The following FUNDC2 variants were observed in gnomAD, a reference collection of about 807,000 sequenced individuals.
FUNDC2 encodes the protein FUN14 domain-containing protein 2.
In FUNDC2, 4 loss-of-function variants were observed where a neutral mutation model predicts 15.6. The ratio of observed to expected loss-of-function variants is 0.26; its 90% CI spans 0.13 to 0.59. The LOEUF (loss-of-function observed/expected upper bound fraction) is 0.59, where lower values mean the gene tolerates loss of function less well. Ranked by LOEUF, FUNDC2 falls within the 20% of genes least tolerant of loss-of-function variation. The pLI, the probability that FUNDC2 is intolerant of heterozygous loss-of-function variation, is 0.90. For missense variants in FUNDC2, 98 were observed against 149.7 expected (o/e 0.65, Z 1.80); for synonymous variants, 44 against 56.9 (o/e 0.77, Z 1.02).
chrX:155,029,990 C>T (rs782656285), intron 1 of FUNDC2, among the ~76,000 whole-genome samples: 1 of 110,901 alleles, frequency 9.0e-6, no homozygotes, highest in East Asian at 2.8e-4. Flanking sequence ...GAATTTACTA[C>T]AACATAATTT....
rs183259474 is a variant in FUNDC2 at position 155,045,498 on chromosome X, A to G, written c.285-1011A>G. Among the ~76,000 whole-genome samples, 9 of 112,366 alleles carry G rather than the reference A, an allele frequency of 8.0e-5. No individual in the cohort carries two copies. The Admixed American group carries it at 8.4e-4, about 11-fold the overall frequency. ...ACACAATAAAATACCTTTTTTAAAA[A>G]AAGGAGAGAGTAATCAACTGTGTCA... On this transcript the variant is annotated intron_variant, in intron 2 of 4. Coordinates refer to ENST00000369498, the MANE Select transcript of FUNDC2 (RefSeq NM_023934.4).
Position 155,054,746 on chromosome X carries a change from A to G in FUNDC2, c.*74A>G. On this transcript the variant is annotated 3_prime_UTR_variant, in exon 5 of 5. Coordinates refer to ENST00000369498, the MANE Select transcript of FUNDC2 (RefSeq NM_023934.4). ...CTCTACACTCCATCATAGGACATCG[A>G]GTCCCTCCTCCTCTTCTCCCATGCC... is the stretch of plus-strand genomic sequence containing the variant. The G allele has an allele frequency of 5.5e-6, 5 of 902,294 alleles. No homozygotes were observed. The highest frequency in any genetic ancestry group is 8.1e-6 in the Non-Finnish European group (5 of 618,391). The allele number at this position is 902,294 out of a possible 1,213,427, so 74.4% of individuals were successfully genotyped here.
Position 155,057,341 on chromosome X carries a change from AGTGCACTAC to A in FUNDC2, c.*2670_*2678del, listed in dbSNP as rs1557291143. 4.5e-5 allele frequency: 5 copies of A among 111,359 alleles called. No homozygotes were observed. The highest frequency in any genetic ancestry group is 7.6e-5 in the Non-Finnish European group (4 of 52,757). 9.2% of individuals were successfully genotyped at this position (111,359 alleles called of 1,213,427 possible). On this transcript the variant is annotated 3_prime_UTR_variant, in exon 5 of 5. Coordinates refer to ENST00000369498, the MANE Select transcript of FUNDC2 (RefSeq NM_023934.4). ...CAAGGACCAGGCAGCTCCACCTTTC[AGTGCACTAC>A]TTTCATTTGACTGGAGAGGCCTGCT...
chrX:155,043,360 T>A (rs781827724), intron 2 of FUNDC2, among the ~76,000 whole-genome samples: 2 of 112,833 alleles, frequency 1.8e-5, no homozygotes, highest in South Asian at 7.1e-4. Flanking sequence ...GTCTACTAAT[T>A]TTTTCATCAG....
In FUNDC2 at chrX:155,054,896, C is replaced by G. The variant is rs782137184; in HGVS notation, c.*224C>G. 3 of 388,586 alleles carry G rather than the reference C, an allele frequency of 7.7e-6. No homozygotes were observed. In the East Asian group the frequency reaches 1.2e-4, roughly 15 times the overall value. 32.0% of individuals were successfully genotyped at this position (388,586 alleles called of 1,213,427 possible). On this transcript the variant is annotated 3_prime_UTR_variant, in exon 5 of 5. Transcript: ENST00000369498. The stretch of plus-strand genomic sequence containing the variant: ...TCCTTAGCTCTCCTCCCAGTACACC[C>G]CCTACTTGGCCAGTCTGTAGGCCAA...
At chrX:155,043,106 A>T (rs1159269097) in intron 2 of FUNDC2, among the ~76,000 whole-genome samples, 2 of 111,112 alleles carry the variant, frequency 1.8e-5, no homozygotes, top group South Asian at 3.8e-4. Context: ...TGGCTAATTT[A>T]AAAAAGTTAT....
intron 1 of FUNDC2, among the ~76,000 whole-genome samples, chrX:155,029,764 A>G (rs1350939315): frequency 5.4e-5 from 6 of 110,365 alleles, no homozygotes; most frequent in Non-Finnish European, 7.6e-5. Flanking sequence ...AAAAAAAAAA[A>G]AAAAAAGAAA....
chrX:155,033,806 G>T (rs1240216385), intron 2 of FUNDC2, among the ~76,000 whole-genome samples: 1 of 112,074 alleles, frequency 8.9e-6, no homozygotes, highest in Non-Finnish European at 1.9e-5. Flanking sequence ...TCTGGAATTA[G>T]TACTGTTATT....
chrX:155,053,891 G>A lies in FUNDC2; in HGVS notation c.493-704G>A, dbSNP rs148071362. The A allele has an allele frequency of 4.0e-6, 3 of 750,068 alleles. No individual in the cohort carries two copies. In the African/African-American group the frequency reaches 7.0e-5, roughly 17 times the overall value. The allele number at this position is 750,068 out of a possible 1,213,427, so 61.8% of individuals were successfully genotyped here. On this transcript the variant is annotated intron_variant, in intron 4 of 4. Coordinates refer to ENST00000369498, the MANE Select transcript of FUNDC2 (RefSeq NM_023934.4). ...CAAAATTGTCTCTGAAATTGGAAGG[G>A]TGGGGAGTGGTCAGGAGATTGGTAG...
At chrX:155,031,655 T>G (rs1425971590) in intron 1 of FUNDC2, among the ~76,000 whole-genome samples, 1 of 112,713 alleles carries the variant, frequency 8.9e-6, no homozygotes, top group African/African-American at 3.2e-5. Context: ...TTTAAACAAA[T>G]TTTGTTTCCT....
At position 155,033,316 on chromosome X, in the gene FUNDC2, T is replaced by C. The variant is rs1001022412; in HGVS notation, c.134-87T>C. On this transcript the variant is annotated intron_variant, in intron 1 of 4. Coordinates refer to ENST00000369498, the MANE Select transcript of FUNDC2 (RefSeq NM_023934.4). The stretch of plus-strand genomic sequence containing the variant: ...AAATAGAATATTTGGAGGTTTCTTA[T>C]TACATTTATGTCTGTTTCTTTAAAT... The C allele has an allele frequency of 1.6e-5, 12 of 734,449 alleles. No individual in the cohort carries two copies. In the Admixed American group the frequency reaches 2.9e-4, roughly 18 times the overall value. 60.5% of individuals were successfully genotyped at this position (734,449 alleles called of 1,213,427 possible).
chrX:155,046,968 G>T, intron 3 of FUNDC2: 1 of 206,551 alleles, frequency 4.8e-6, no homozygotes, highest in Non-Finnish European at 9.0e-6. Flanking sequence ...AGCATGTGAT[G>T]AGAAATGGGA....
At chrX:155,028,098 A>C (rs2073801447) in intron 1 of FUNDC2, among the ~76,000 whole-genome samples, 1 of 111,645 alleles carries the variant, frequency 9.0e-6, no homozygotes, top group African/African-American at 3.2e-5. Flanking sequence ...AGACTTTTAT[A>C]AGAGCAGACT....
chrX:155,035,773 A>G (rs903289820), intron 2 of FUNDC2, among the ~76,000 whole-genome samples: 1 of 112,335 alleles, frequency 8.9e-6, no homozygotes, highest in Non-Finnish European at 1.9e-5. Flanking sequence ...TCCTGGGTTC[A>G]AGCAGTTCTC....
At chrX:155,043,104 T>G (rs2073852743) in intron 2 of FUNDC2, among the ~76,000 whole-genome samples, 1 of 111,091 alleles carries the variant, frequency 9.0e-6, no homozygotes, top group African/African-American at 3.3e-5. Flanking sequence ...CCTGGCTAAT[T>G]TAAAAAAGTT....
rs782055846 is a variant in FUNDC2 at position 155,057,895 on chromosome X, G to C, written c.*3223G>C. The C allele has an allele frequency of 1.8e-5, 2 of 111,761 alleles. No individual in the cohort carries two copies. Among genetic ancestry groups the C allele is most frequent in the Middle Eastern group, 4.7e-3 (1 of 215 alleles). 9.2% of individuals were successfully genotyped at this position (111,761 alleles called of 1,213,427 possible). A position where few individuals can be genotyped will look rare whatever the true frequency, so the allele number is the denominator to read the frequency against. The stretch of plus-strand genomic sequence containing the variant: ...GGCCGCTGCCTGCTCGGGCTCAACA[G>C]ATGGAGTCCAATGTTTCAGTCTCCC... On this transcript the variant is annotated 3_prime_UTR_variant, in exon 5 of 5. Coordinates refer to ENST00000369498, the MANE Select transcript of FUNDC2 (RefSeq NM_023934.4).
intron 1 of FUNDC2, among the ~76,000 whole-genome samples, chrX:155,029,197 G>A (rs1203794379): frequency 8.9e-6 from 1 of 111,966 alleles, no homozygotes; most frequent in Admixed American, 9.4e-5. Flanking sequence ...CTCACATAGA[G>A]TAGCAGCCTA....
chrX:155,037,473 CTTTATA>C (rs1401577420), intron 2 of FUNDC2, among the ~76,000 whole-genome samples: 2 of 110,542 alleles, frequency 1.8e-5, no homozygotes, highest in Non-Finnish European at 3.8e-5. Context: ...ATTGTGGAGT[CTTTATA>C]TTTATATTTA....
intron 2 of FUNDC2, among the ~76,000 whole-genome samples, chrX:155,037,289 T>G (rs2073833751): frequency 9.0e-6 from 1 of 111,537 alleles, no homozygotes; most frequent in Admixed American, 9.6e-5. Flanking sequence ...AAAAGCCACT[T>G]ACTAGTTGCA....
Sources: allele counts gnomAD v4.1 joint callset (sites outside exome capture counted in the v4.1 genomes callset), GRCh38; gene constraint gnomAD v4.1.1; transcripts MANE v1.5; gene names NCBI Gene and HGNC (gene_info 2026-07-23, HGNC 2026-07-21).